Variants in OPA1 observed in about 807,000 individuals in gnomAD.
OPA1 encodes OPA1 mitochondrial dynamin like GTPase.
In OPA1, 59 loss-of-function variants were observed where a neutral mutation model predicts 152.9. The observed-to-expected ratio is 0.39, with a 90% CI of 0.31 to 0.48. The LOEUF is 0.48. OPA1 is among the 20% of genes least tolerant of loss of function. OPA1 has a pLI of 0.96. For synonymous variants in OPA1, 400 were observed against 389.9 expected, an observed-to-expected ratio of 1.03 and a Z score of -0.31; for missense variants, 1,008 against 1,216.8, an observed-to-expected ratio of 0.83 and a Z score of 2.55.
chr3:193,625,576 G>T (rs932794485), intron 6 of OPA1, among the ~76,000 whole-genome samples: 1 of 151,976 alleles, frequency 6.6e-6, no homozygotes, highest in Non-Finnish European at 1.5e-5. Context: ...TAGAATATAT[G>T]ACTTAATGTA....
chr3:193,680,594 G>A (rs1719977497), intron 29 of OPA1, among the ~76,000 whole-genome samples: 1 of 152,162 alleles, frequency 6.6e-6, no homozygotes, highest in East Asian at 1.9e-4. Flanking sequence ...ACCTCTTTAA[G>A]AGCTGCCTGG....
intron 26 of OPA1, 28 bp from the exon 27 acceptor site, chr3:193,664,852 C>T: frequency 8.4e-7 from 1 of 1,197,204 alleles, no homozygotes; most frequent in Admixed American, 1.7e-5. Context: ...TATACAGTAA[C>T]TCTGGGCTTT....
At chr3:193,679,792 T>TTTTGG (rs1719834668) in intron 29 of OPA1, among the ~76,000 whole-genome samples, 1 of 152,352 alleles carries the variant, frequency 6.6e-6, no homozygotes, top group African/African-American at 2.4e-5. Context: ...AAGATAATTC[T>TTTTGG]AGGTTTATAA....
intron 29 of OPA1, among the ~76,000 whole-genome samples, chr3:193,681,561 G>T (rs955137925): frequency 4.6e-5 from 7 of 152,208 alleles, no homozygotes; most frequent in Non-Finnish European, 7.3e-5. Flanking sequence ...TGTATTGCAT[G>T]TCACTTTATT....
intron 20 of OPA1, 108 bp downstream of exon 20, chr3:193,648,242 GACTATA>G (rs1357801142): frequency 1.3e-5 from 10 of 779,798 alleles, no homozygotes; most frequent in Admixed American, 6.0e-5. Flanking sequence ...CTTTGGTTTT[GACTATA>G]ACTACTAATT....
At position 193,657,130 on chromosome 3, in the gene OPA1, G is replaced by A. The variant is rs768448865; in HGVS notation, c.2229G>A (p.Pro743=). 28 of 1,613,708 alleles carry A rather than the reference G, an allele frequency of 1.7e-5. No homozygotes were observed. Among genetic ancestry groups the A allele is most frequent in the South Asian group, 4.4e-5 (4 of 91,060 alleles). ...AATTTTCCCGCTTTATGACAGAACC[G>A]AAAGGGAAAGAGCATGATGACATAT... ...QEEFSRFMTE[P]KGKEHDDIFD... Residue 743 remains proline, a synonymous_variant, in exon 23 of 31, where the codon CCG becomes CCA. Transcript: ENST00000361510.
chr3:193,683,664 C>T (rs1209020695), intron 29 of OPA1, among the ~76,000 whole-genome samples: 2 of 152,152 alleles, frequency 1.3e-5, no homozygotes, highest in Non-Finnish European at 2.9e-5. Context: ...CAGCCATCAA[C>T]GTCAGGGCCA....
intron 7 of OPA1, chr3:193,627,462 A>G (rs1731342234): frequency 6.6e-6 from 1 of 152,238 alleles, no homozygotes; most frequent in Non-Finnish European, 1.5e-5. Flanking sequence ...TCATTTAAAT[A>G]GCCTAATAAA....
intron 20 of OPA1, 145 bp from the exon 21 acceptor site, chr3:193,648,650 C>G (rs1344180881): frequency 1.6e-6 from 1 of 614,212 alleles, no homozygotes; most frequent in African/African-American, 1.8e-5. Flanking sequence ...AAAAAAAACA[C>G]TAGAAGTGCA....
In OPA1 at chr3:193,697,758, A is replaced by G. The variant is rs1426387425; in HGVS notation, c.*3158A>G. The G allele has an allele frequency of 1.3e-5, 2 of 152,208 alleles. No individual in the cohort carries two copies. The highest frequency in any genetic ancestry group is 2.9e-5 in the Non-Finnish European group (2 of 68,040). 9.4% of individuals were successfully genotyped at this position (152,208 alleles called of 1,614,324 possible). On this transcript the variant is annotated 3_prime_UTR_variant, in exon 31 of 31. Transcript: ENST00000361510. ...TTTTTTCACATCGTGGTACTTGTCA[A>G]AACATTTTGTTATTTTCCTTGGTAA...
Position 193,593,218 on chromosome 3 carries a change from G to C in OPA1, c.-160G>C, listed in dbSNP as rs1171895507. On this transcript the variant is annotated 5_prime_UTR_variant, in exon 1 of 31. Transcript: ENST00000361510. Reference sequence around the variant, plus strand: ...GTACGGGTGCCTGTCAGGCTCTTGCGGAAGTCCATGCGCCATTGGGAGGGC... The same window carrying C: ...GTACGGGTGCCTGTCAGGCTCTTGCCGAAGTCCATGCGCCATTGGGAGGGC... The C allele has an allele frequency of 5.0e-6, 3 of 596,128 alleles. No individual in the cohort carries two copies. In the East Asian group the frequency reaches 9.4e-5, roughly 19 times the overall value. The allele number at this position is 596,128 out of a possible 1,614,324, so 36.9% of individuals were successfully genotyped here.
chr3:193,655,500 A>G (rs1199890111), intron 22 of OPA1, among the ~76,000 whole-genome samples: 1 of 152,196 alleles, frequency 6.6e-6, no homozygotes. Context: ...AAAACAAAAC[A>G]AAACAAAAAA....
chr3:193,647,653 TC>T (rs1734891153), intron 19 of OPA1, among the ~76,000 whole-genome samples: 1 of 152,182 alleles, frequency 6.6e-6, no homozygotes, highest in South Asian at 2.1e-4. Flanking sequence ...TGCCAGTTAG[TC>T]CCTCTGCAAT....
chr3:193,598,625 T>G (rs1258852568), intron 1 of OPA1, among the ~76,000 whole-genome samples: 2 of 151,940 alleles, frequency 1.3e-5, no homozygotes, highest in East Asian at 3.9e-4. Flanking sequence ...TGCAAAAGAG[T>G]TATTGAAACG....
chr3:193,680,931 T>G (rs1310100695), intron 29 of OPA1, among the ~76,000 whole-genome samples: 2 of 152,198 alleles, frequency 1.3e-5, no homozygotes, highest in Non-Finnish European at 2.9e-5. Flanking sequence ...TGTGATAATT[T>G]AAGTGTGGAG....
At chr3:193,623,118 G>A (rs1467617204) in intron 6 of OPA1, among the ~76,000 whole-genome samples, 2 of 152,138 alleles carry the variant, frequency 1.3e-5, no homozygotes, top group Admixed American at 6.5e-5. Flanking sequence ...GTCTTTTGAG[G>A]ACCCTTGGCT....
chr3:193,640,778 T>C (rs1457391662), intron 11 of OPA1, among the ~76,000 whole-genome samples: 1 of 152,148 alleles, frequency 6.6e-6, no homozygotes, highest in African/African-American at 2.4e-5. Flanking sequence ...GGGGTAGGTG[T>C]AGAATAATTG....
chr3:193,612,894 A>G (rs570118474), intron 1 of OPA1, among the ~76,000 whole-genome samples: 1 of 152,196 alleles, frequency 6.6e-6, no homozygotes, highest in Admixed American at 6.5e-5. Flanking sequence ...AGCTCAAAAC[A>G]CAAGTTAGTG....
intron 24 of OPA1, 49 bp from the exon 25 acceptor site, chr3:193,659,433 G>T (rs374629202): frequency 2.9e-6 from 4 of 1,363,498 alleles, no homozygotes; most frequent in Non-Finnish European, 4.1e-6. Flanking sequence ...GTTATAATTT[G>T]TGTGTGTGTA....
Sources: gnomAD v4.1 joint callset for allele counts (sites outside exome capture counted in the v4.1 genomes callset) on GRCh38, gnomAD v4.1.1 for gene constraint, MANE v1.5 for transcripts, NCBI Gene and HGNC (gene_info 2026-07-23, HGNC 2026-07-21) for gene names.